The following CENPW variants were observed in gnomAD, a reference collection of about 807,000 sequenced individuals.
The protein encoded by CENPW is centromere protein W.
A neutral mutation model predicts 11.1 loss-of-function variants in CENPW; 3 were observed. The ratio of observed to expected loss-of-function variants is 0.27; its 90% confidence interval spans 0.12 to 0.70. The LOEUF (loss-of-function observed/expected upper bound fraction) is 0.70, where lower values mean the gene tolerates loss of function less well. Among genes scored for constraint, CENPW ranks in the 30% least tolerant of loss-of-function variants. The pLI is 0.77. For missense variants in CENPW, 100 were observed against 105.6 expected, an observed-to-expected ratio of 0.95 and a Z score of 0.23; for synonymous variants, 38 against 42.0, an observed-to-expected ratio of 0.91 and a Z score of 0.37.
the CENPW span, among the ~76,000 whole-genome samples, chr6:126,390,973 T>C: frequency 6.6e-6 from 1 of 151,928 alleles, no homozygotes; most frequent in Admixed American, 6.6e-5. Context: ...ATTTCCTTTC[T>C]TTGGGGGTAT....
the CENPW span, among the ~76,000 whole-genome samples, chr6:126,383,991 A>T: frequency 1.3e-5 from 2 of 152,192 alleles, no homozygotes; most frequent in African/African-American, 4.8e-5. Context: ...AATTGATCAC[A>T]CAATCAGACA....
chr6:126,390,808 C>T, the CENPW span, among the ~76,000 whole-genome samples: 1 of 151,924 alleles, frequency 6.6e-6, no homozygotes, highest in East Asian at 1.9e-4. Flanking sequence ...TGATCTTATT[C>T]TTTTTTATGG....
chr6:126,413,333 A>G, the CENPW span, among the ~76,000 whole-genome samples: 1 of 152,150 alleles, frequency 6.6e-6, no homozygotes, highest in Non-Finnish European at 1.5e-5. Context: ...AAACAGCAAG[A>G]GAAGAAAAGT....
chr6:126,472,734 CA>C, the CENPW span, among the ~76,000 whole-genome samples: 1 of 152,130 alleles, frequency 6.6e-6, no homozygotes, highest in African/African-American at 2.4e-5. Context: ...GGCTGTTTGC[CA>C]AATATTTTGC....
At chr6:126,416,052 C>A in the CENPW span, among the ~76,000 whole-genome samples, 1 of 152,094 alleles carries the variant, frequency 6.6e-6, no homozygotes, top group Non-Finnish European at 1.5e-5. Context: ...TCCCTAGAGA[C>A]TTGTTGAATG....
the CENPW span, among the ~76,000 whole-genome samples, chr6:126,410,582 A>G: frequency 4.6e-5 from 7 of 151,810 alleles, no homozygotes; most frequent in African/African-American, 1.7e-4. Flanking sequence ...TTTACAATAT[A>G]GATTTTTGTT....
At chr6:126,411,906 TCCTC>T in the CENPW span, among the ~76,000 whole-genome samples, 4 of 137,788 alleles carry the variant, frequency 2.9e-5, no homozygotes, top group Admixed American at 7.2e-5. Context: ...CTTCCTTCCT[TCCTC>T]CCTCCCCCTC....
the CENPW span, among the ~76,000 whole-genome samples, chr6:126,425,685 A>T: frequency 6.6e-6 from 1 of 152,144 alleles, no homozygotes; most frequent in East Asian, 1.9e-4. Flanking sequence ...GAGGATAAGT[A>T]GTGCTTCTCT....
chr6:126,346,262 G>A lies in CENPW; in HGVS notation c.184G>A (p.Ala62Thr), dbSNP rs201117021. Residue 62 changes from alanine (A) to threonine (T), a missense_variant, in exon 2 of 3, where the codon GCT (alanine) becomes ACT (threonine). Physicochemically the swap from Ala to Thr is moderately conservative, Grantham distance 58. Coordinates refer to ENST00000368328, the MANE Select transcript of CENPW (RefSeq NM_001012507.4). ...ATTAGCAGAAGAGTCCAGGACAAAC[G>A]CTTGTGCGAGTAAATGTAGAGTCAT... ...HRLAEESRTN[A>T]CASKCRVINK... 3.1e-6 allele frequency: 5 copies of A among 1,608,824 alleles called. No individual in the cohort carries two copies. Among genetic ancestry groups the A allele is most frequent in the African/African-American group, 2.7e-5 (2 of 74,994 alleles).
chr6:126,483,206 T>C, the CENPW span, among the ~76,000 whole-genome samples: 9 of 151,860 alleles, frequency 5.9e-5, no homozygotes, highest in African/African-American at 1.7e-4. Flanking sequence ...TATTTTTAAT[T>C]TTTTTGTAGA....
chr6:126,390,830 T>A, the CENPW span, among the ~76,000 whole-genome samples: 16 of 152,048 alleles, frequency 1.1e-4, no homozygotes, highest in African/African-American at 3.9e-4. Context: ...TGAAAAATAC[T>A]CTATTGTGTA....
the CENPW span, among the ~76,000 whole-genome samples, chr6:126,463,964 C>T: frequency 9.9e-5 from 15 of 151,688 alleles, no homozygotes; most frequent in Non-Finnish European, 1.6e-4. Context: ...CCAAAATTAC[C>T]GTTATATCAA....
the CENPW span, among the ~76,000 whole-genome samples, chr6:126,434,053 C>T: frequency 1.3e-5 from 2 of 152,098 alleles, no homozygotes; most frequent in Non-Finnish European, 1.5e-5. Flanking sequence ...AGATTTTCTT[C>T]CAAGATAGGC....
At chr6:126,467,624 A>T in the CENPW span, among the ~76,000 whole-genome samples, 2 of 152,192 alleles carry the variant, frequency 1.3e-5, no homozygotes, top group African/African-American at 4.8e-5. Context: ...ATACTGATAT[A>T]AATGATTGAA....
chr6:126,431,201 G>A, the CENPW span, among the ~76,000 whole-genome samples: 1 of 152,132 alleles, frequency 6.6e-6, no homozygotes, highest in African/African-American at 2.4e-5. Flanking sequence ...TGATTTAAAA[G>A]TACATAAACT....
chr6:126,415,690 C>T, the CENPW span, among the ~76,000 whole-genome samples: 1 of 152,090 alleles, frequency 6.6e-6, no homozygotes, highest in Non-Finnish European at 1.5e-5. Flanking sequence ...GAACAAGTCT[C>T]ACAAGATCTG....
the CENPW span, among the ~76,000 whole-genome samples, chr6:126,419,596 A>G: frequency 3.9e-5 from 6 of 152,206 alleles, no homozygotes; most frequent in Non-Finnish European, 7.3e-5. Context: ...ACACAAACCA[A>G]TAACATAACA....
chr6:126,468,722 TAC>T, the CENPW span, among the ~76,000 whole-genome samples: 457 of 152,302 alleles, frequency 3.0e-3, 2 homozygotes, highest in Non-Finnish European at 4.4e-3. Context: ...ATTTTAAAAA[TAC>T]AGTTAGATAT....
the CENPW span, among the ~76,000 whole-genome samples, chr6:126,479,684 G>A: frequency 2.6e-5 from 4 of 152,020 alleles, no homozygotes; most frequent in Non-Finnish European, 5.9e-5. Flanking sequence ...GCAAGGAAGC[G>A]TTTACATTTG....
Sources: gnomAD v4.1 joint callset for allele counts (sites outside exome capture counted in the v4.1 genomes callset) on GRCh38, gnomAD v4.1.1 for gene constraint, MANE v1.5 for transcripts, NCBI Gene and HGNC (gene_info 2026-07-23, HGNC 2026-07-21) for gene names.